Variants in PPP6R1 observed in about 807,000 individuals in gnomAD.
PPP6R1 encodes serine/threonine-protein phosphatase 6 regulatory subunit 1.
In PPP6R1, 39 loss-of-function variants were observed where a neutral mutation model predicts 104.6. The observed-to-expected ratio is 0.37, with a 90% CI of 0.29 to 0.49. The LOEUF is 0.49. Among genes scored for constraint, PPP6R1 ranks in the 20% least tolerant of loss-of-function variants. The pLI, the probability that PPP6R1 is intolerant of heterozygous loss-of-function variation, is 0.98. For synonymous variants in PPP6R1, 549 were observed against 479.0 expected, an observed-to-expected ratio of 1.15 and a Z score of -1.91; for missense variants, 1,181 against 1,155.8, an observed-to-expected ratio of 1.02 and a Z score of -0.32.
intron 17 of PPP6R1, chr19:55,236,432 A>T: frequency 1.7e-6 from 1 of 576,818 alleles, no homozygotes; most frequent in Non-Finnish European, 2.9e-6. Flanking sequence ...CTGGGATTAC[A>T]GGCACTCAGG....
rs570346458 is a variant in PPP6R1 at position 55,233,922 on chromosome 19, C to G, written c.1989-1711G>C. On this transcript the variant is annotated intron_variant, in intron 17 of 23. Coordinates refer to ENST00000412770, the MANE Select transcript of PPP6R1 (RefSeq NM_014931.4). ...GCAAAACAATCTTTAAAAAGAAGAA[C>G]AAGGTTGGAAAACTAAAACCTCCCA... Among the ~76,000 whole-genome samples, 7 of 152,236 alleles carry G rather than the reference C, an allele frequency of 4.6e-5. No individual in the cohort carries two copies. The South Asian group carries it at 1.2e-3, about 27-fold the overall frequency.
At position 55,230,278 on chromosome 19, in the gene PPP6R1, T is replaced by C; in HGVS notation, c.*250A>G. 1 of 584,606 alleles carries C rather than the reference T, an allele frequency of 1.7e-6. No homozygotes were observed. The highest frequency in any genetic ancestry group is 3.1e-6 in the Non-Finnish European group (1 of 327,544). The allele number at this position is 584,606 out of a possible 1,614,324, so 36.2% of individuals were successfully genotyped here. ...AATATATAATATATGTTTCTCTCTCTCCATTCTCTCTATTTGACTCTCTGT... is the reference window on the plus strand; with the variant it reads ...AATATATAATATATGTTTCTCTCTCCCCATTCTCTCTATTTGACTCTCTGT... On this transcript the variant is annotated 3_prime_UTR_variant, in exon 24 of 24. Transcript: ENST00000412770.
chr19:55,230,996 CCCCACGGGGA>C lies in PPP6R1; in HGVS notation c.2460-122_2460-113del, dbSNP rs1338999157. ...TCACTGGGTGTGTGTCTGCCACCTGCCCCACGGGGAGGGGCCTCCCGAGGACGCAGCTGGC... is the reference window on the plus strand; with the variant it reads ...TCACTGGGTGTGTGTCTGCCACCTGCGGGGCCTCCCGAGGACGCAGCTGGC... On this transcript the variant is annotated intron_variant, in intron 21 of 23. Transcript: ENST00000412770. 5 of 918,864 alleles carry C rather than the reference CCCCACGGGGA, an allele frequency of 5.4e-6. No homozygotes were observed. In the East Asian group the frequency reaches 1.3e-4, roughly 24 times the overall value. The allele number at this position is 918,864 out of a possible 1,614,324, so 56.9% of individuals were successfully genotyped here.
At chr19:55,239,945 T>A in intron 12 of PPP6R1, 34 bp from the exon 13 acceptor site, 1 of 1,612,708 alleles carries the variant, frequency 6.2e-7, no homozygotes, top group Non-Finnish European at 8.5e-7. Context: ...ACGTGAGGCA[T>A]CTCGGGGCTT....
Position 55,241,385 on chromosome 19 carries a change from G to C in PPP6R1, c.1015C>G (p.Pro339Ala). The change falls in exon 9 of 24, where the codon CCG (proline) becomes GCG (alanine). Residue 339 changes from proline (P) to alanine (A), a missense_variant. Pro to Ala is a conservative substitution (Grantham distance 27, BLOSUM62 -1). Coordinates refer to ENST00000412770, the MANE Select transcript of PPP6R1 (RefSeq NM_014931.4). The surrounding 1 kb of genome is among the most constrained non-coding windows in gnomAD (Gnocchi z 5.4). ...QLLLEPPKLE[P>A]LQMTWGMLAP... ...AGCATGCCCCATGTCATCTGTAGCG[G>C]CTCCAGCTGCAGACACAGGGAGGCC... 1 of 1,607,606 alleles carries C rather than the reference G, an allele frequency of 6.2e-7. No individual in the cohort carries two copies. The highest frequency in any genetic ancestry group is 8.5e-7 in the Non-Finnish European group (1 of 1,177,350).
intron 1 of PPP6R1, among the ~76,000 whole-genome samples, chr19:55,256,340 T>C (rs988288952): frequency 1.3e-5 from 2 of 152,198 alleles, no homozygotes; most frequent in African/African-American, 2.4e-5. Context: ...GGGCTGCCCA[T>C]GCACTGGAGG....
In PPP6R1 at chr19:55,231,447, A is replaced by C. The variant is rs2087345199; in HGVS notation, c.2422T>G (p.Phe808Val). The change falls in exon 21 of 24, where the codon TTC becomes GTC. Residue 808 changes from phenylalanine (F) to valine (V), a missense_variant. By Grantham distance (50) the Phe-to-Val change is conservative. Around this residue, in one of 2 missense-constraint regions of PPP6R1, gnomAD observed 1,042 missense variants for 955.6 expected, o/e 1.09. Transcript: ENST00000412770. Reference sequence around the variant, plus strand: ...CTGGGGGCAGAACGGATCCCGTGGAAGGTGGCCTGAAGGTCCCCGATGCTA... The same window carrying C: ...CTGGGGGCAGAACGGATCCCGTGGACGGTGGCCTGAAGGTCCCCGATGCTA... ...LVSIGDLQAT[F>V]HGIRSAPSSS... is the part of the protein sequence containing the mutation. 6.2e-7 allele frequency: 1 copy of C among 1,607,830 alleles called. No homozygotes were observed. The highest frequency in any genetic ancestry group is 1.1e-5 in the South Asian group (1 of 89,460).
Position 55,245,686 on chromosome 19 carries a change from G to A in PPP6R1, c.228-8C>T. 6.3e-7 allele frequency: 1 copy of A among 1,597,700 alleles called. No individual in the cohort carries two copies. Among genetic ancestry groups the A allele is most frequent in the Non-Finnish European group, 8.5e-7 (1 of 1,175,316 alleles). The stretch of plus-strand genomic sequence containing the variant: ...CAGGCCACACTGGGGTACCTGGGAG[G>A]CAAGCACAGGCGGGTGGGGGCTCGG... On this transcript the variant is annotated splice_polypyrimidine_tract_variant and splice_region_variant and intron_variant, in intron 2 of 23. Transcript: ENST00000412770. This position sits in a 1 kb window ranked among gnomAD's most constrained non-coding sequence, Gnocchi z 6.4.
chr19:55,249,523 G>A (rs1179814818), intron 1 of PPP6R1, among the ~76,000 whole-genome samples: 1 of 152,050 alleles, frequency 6.6e-6, no homozygotes, highest in Non-Finnish European at 1.5e-5. Context: ...TTACAGGCAT[G>A]AGCCACCATG....
chr19:55,239,857 G>C lies in PPP6R1; in HGVS notation c.1532C>G (p.Ala511Gly). ...QWEAFVSGPL[A>G]ETNKKNMVDL... Reference sequence around the variant, plus strand: ...CACCATGTTCTTCTTGTTGGTCTCCGCCAGGGGCCCCGATACGAAGGCTTC... The same window carrying C: ...CACCATGTTCTTCTTGTTGGTCTCCCCCAGGGGCCCCGATACGAAGGCTTC... Residue 511 changes from alanine to glycine, a missense_variant, in exon 13 of 24, where the codon GCG becomes GGG. Physicochemically the swap from Ala to Gly is moderately conservative, Grantham distance 60. This residue lies in a region of PPP6R1 where 1,042 missense variants were observed against 955.6 expected (regional missense o/e 1.09). Coordinates refer to ENST00000412770, the MANE Select transcript of PPP6R1 (RefSeq NM_014931.4). 1 of 1,613,892 alleles carries C rather than the reference G, an allele frequency of 6.2e-7. No individual in the cohort carries two copies. The highest frequency in any genetic ancestry group is 1.1e-5 in the South Asian group (1 of 91,078).
rs146920687 is a variant in PPP6R1, at chr19:55,232,569, G to A, written c.1989-358C>T. 1.2e-3 allele frequency: 279 copies of A among 240,890 alleles called. 2 individuals carry two copies. Among genetic ancestry groups the A allele is most frequent in the African/African-American group, 4.4e-3 (193 of 44,314 alleles). 14.9% of individuals were successfully genotyped at this position (240,890 alleles called of 1,614,324 possible). On this transcript the variant is annotated intron_variant, in intron 17 of 23. Coordinates refer to ENST00000412770, the MANE Select transcript of PPP6R1 (RefSeq NM_014931.4). ...CCACCTCCCAGCCGTCACCTCACACGGTCACCACAGTGACAGGCCTTCCCA... is the reference window on the plus strand; with the variant it reads ...CCACCTCCCAGCCGTCACCTCACACAGTCACCACAGTGACAGGCCTTCCCA...
Position 55,230,310 on chromosome 19 carries a change from A to G in PPP6R1, c.*218T>C, listed in dbSNP as rs2122492751. On this transcript the variant is annotated 3_prime_UTR_variant, in exon 24 of 24. Coordinates refer to ENST00000412770, the MANE Select transcript of PPP6R1 (RefSeq NM_014931.4). ...TCTCTATTTGACTCTCTGTATCTTT[A>G]TTCTAGGAGGCAACGCTCCAAAACT... The G allele has an allele frequency of 1.6e-6, 1 of 608,634 alleles. No homozygotes were observed. Among genetic ancestry groups the G allele is most frequent in the East Asian group, 2.8e-5 (1 of 36,200 alleles). 37.7% of individuals were successfully genotyped at this position (608,634 alleles called of 1,614,324 possible).
At chr19:55,252,223 C>T (rs559125642) in intron 1 of PPP6R1, among the ~76,000 whole-genome samples, 1 of 152,040 alleles carries the variant, frequency 6.6e-6, no homozygotes, top group South Asian at 2.1e-4. Flanking sequence ...CTGAATTGTA[C>T]CCTTTATTTA....
At chr19:55,255,377 G>GT (rs1362806307) in intron 1 of PPP6R1, among the ~76,000 whole-genome samples, 1 of 152,230 alleles carries the variant, frequency 6.6e-6, no homozygotes, top group Non-Finnish European at 1.5e-5. Flanking sequence ...TAGGGTTACA[G>GT]TGTGATCCAA....
intron 17 of PPP6R1, among the ~76,000 whole-genome samples, chr19:55,235,335 C>T (rs1331224798): frequency 6.6e-6 from 1 of 152,028 alleles, no homozygotes; most frequent in Non-Finnish European, 1.5e-5. Flanking sequence ...CATCTTACCC[C>T]CCTTTCTAGG....
At chr19:55,256,895 T>G (rs2087597524) in intron 1 of PPP6R1, among the ~76,000 whole-genome samples, 1 of 152,066 alleles carries the variant, frequency 6.6e-6, no homozygotes, top group South Asian at 2.1e-4. Flanking sequence ...CTACAAACCC[T>G]GCACTTAATC....
intron 17 of PPP6R1, among the ~76,000 whole-genome samples, chr19:55,235,540 A>G (rs949569861): frequency 6.7e-6 from 1 of 148,826 alleles, no homozygotes; most frequent in Admixed American, 6.7e-5. Context: ...TTTTTCTGAG[A>G]CAGAGTCTCG....
In PPP6R1 at chr19:55,239,661, G is replaced by T; in HGVS notation, c.1586C>A (p.Ser529Tyr). Residue 529 changes from serine (S) to tyrosine (Y), a missense_variant, in exon 14 of 24, where the codon TCC (serine) becomes TAC (tyrosine). Physicochemically the swap from Ser to Tyr is moderately radical, Grantham distance 144 (BLOSUM62 -2). Transcript: ENST00000412770. ...CCGGTCGTCCTCATCGTCACTGGAGGAGTGTAGGTGGTGGGTGTTCACCTG... is the reference window on the plus strand; with the variant it reads ...CCGGTCGTCCTCATCGTCACTGGAGTAGTGTAGGTGGTGGGTGTTCACCTG... The part of the protein sequence containing the change: ...VDLVNTHHLH[S>Y]SSDDEDDRLK... 2 of 1,611,832 alleles carry T rather than the reference G, an allele frequency of 1.2e-6. No individual in the cohort carries two copies. Among genetic ancestry groups the T allele is most frequent in the Non-Finnish European group, 1.7e-6 (2 of 1,178,970 alleles).
chr19:55,245,417 G>T lies in PPP6R1; in HGVS notation c.415-15C>A, dbSNP rs759795151. 5.6e-6 allele frequency: 9 copies of T among 1,613,076 alleles called. No individual in the cohort carries two copies. Among genetic ancestry groups the T allele is most frequent in the Non-Finnish European group, 6.8e-6 (8 of 1,179,676 alleles). On this transcript the variant is annotated splice_polypyrimidine_tract_variant and intron_variant, in intron 3 of 23. Transcript: ENST00000412770. This position sits in a 1 kb window ranked among gnomAD's most constrained non-coding sequence, Gnocchi z 6.4. ...AAGGACACGAGCTGGGGGCACACGG[G>T]CTGCGTCATGCACAGGGCCTGGCCC...
Sources: gnomAD v4.1 joint callset for allele counts (sites outside exome capture counted in the v4.1 genomes callset) on GRCh38, gnomAD v4.1.1 for gene constraint, gnomAD v4.1.1 regional missense constraint, Gnocchi (gnomAD v3.1) non-coding constraint, MANE v1.5 for transcripts, NCBI Gene and HGNC (gene_info 2026-07-23, HGNC 2026-07-21) for gene names.